Variants in NRXN1 observed in about 807,000 individuals in gnomAD.
NRXN1 encodes neurexin 1.
NRXN1 carries 39 observed loss-of-function variants against 150.9 expected under a neutral mutation model. That is an observed-to-expected ratio of 0.26 (90% confidence interval 0.20 to 0.34). NRXN1 has a LOEUF of 0.34. Ranked by LOEUF, NRXN1 falls within the 10% of genes least tolerant of loss-of-function variation. The pLI, the probability that NRXN1 is intolerant of heterozygous loss-of-function variation, is 1.00. For synonymous variants in NRXN1, 924 were observed against 757.0 expected, an observed-to-expected ratio of 1.22 and a Z score of -3.62; for missense variants, 1,815 against 1,949.9, an observed-to-expected ratio of 0.93 and a Z score of 1.30.
intron 5 of NRXN1, among the ~76,000 whole-genome samples, chr2:50,891,665 A>G (rs1681084689): frequency 6.6e-6 from 1 of 152,072 alleles, no homozygotes; most frequent in African/African-American, 2.4e-5. Context: ...TTTCTTGTTA[A>G]CATATCTTGA....
chr2:49,956,628 T>C (rs1675001416), intron 21 of NRXN1, among the ~76,000 whole-genome samples: 1 of 152,140 alleles, frequency 6.6e-6, no homozygotes, highest in Non-Finnish European at 1.5e-5. Flanking sequence ...CTAACCAACA[T>C]ACCGTAGCAC....
intron 5 of NRXN1, among the ~76,000 whole-genome samples, chr2:50,670,781 T>C (rs1186239574): frequency 6.6e-6 from 1 of 151,938 alleles, no homozygotes; most frequent in East Asian, 1.9e-4. Flanking sequence ...TTTAGGTTTG[T>C]CTGATATTTT....
At chr2:50,802,454 T>C (rs1035074135) in intron 5 of NRXN1, among the ~76,000 whole-genome samples, 3 of 148,072 alleles carry the variant, frequency 2.0e-5, no homozygotes, top group African/African-American at 7.5e-5. Context: ...ATCGCACCAT[T>C]GTACTCCAGC....
At chr2:50,021,485 T>G (rs1687558544) in intron 21 of NRXN1, among the ~76,000 whole-genome samples, 1 of 152,214 alleles carries the variant, frequency 6.6e-6, no homozygotes, top group Admixed American at 6.5e-5. Flanking sequence ...GCATTTCTTT[T>G]GAATATCTCC....
intron 2 of NRXN1, among the ~76,000 whole-genome samples, chr2:51,016,319 C>T (rs1369980815): frequency 6.6e-6 from 1 of 152,098 alleles, no homozygotes; most frequent in Non-Finnish European, 1.5e-5. Flanking sequence ...GAGTGACAGG[C>T]AACCTGCAGA....
chr2:50,832,427 C>T (rs1009903948), intron 5 of NRXN1, among the ~76,000 whole-genome samples: 3 of 151,890 alleles, frequency 2.0e-5, no homozygotes, highest in African/African-American at 2.4e-5. Flanking sequence ...CACGGTGGGC[C>T]GATCACCTGT....
At chr2:50,588,271 A>G (rs1673498172) in intron 8 of NRXN1, among the ~76,000 whole-genome samples, 1 of 152,202 alleles carries the variant, frequency 6.6e-6, no homozygotes, top group Non-Finnish European at 1.5e-5. Flanking sequence ...ATGGCTCCCT[A>G]TGGCAATACT....
intron 21 of NRXN1, among the ~76,000 whole-genome samples, chr2:49,990,275 A>G (rs1681698233): frequency 6.6e-6 from 1 of 152,122 alleles, no homozygotes; most frequent in African/African-American, 2.4e-5. Flanking sequence ...GCCCTAAGAT[A>G]AGAAAGAGTC....
Position 50,339,172 on chromosome 2 carries a change from G to A in NRXN1, c.3365-102202C>T, listed in dbSNP as rs74807345. Among the ~76,000 whole-genome samples the A allele has an allele frequency of 8.0e-3, 1,224 of 152,118 alleles. 36 individuals are homozygous for A. The East Asian group carries it at 0.11, about 13-fold the overall frequency. ...CCAAATAAGTAAATTTCACTGCCTT[G>A]TATTTTACCACATATTAAAAAGCAC... On this transcript the variant is annotated intron_variant, in intron 17 of 22. Transcript: ENST00000401669.
chr2:50,192,205 T>G (rs2061487790), intron 18 of NRXN1, among the ~76,000 whole-genome samples: 1 of 152,186 alleles, frequency 6.6e-6, no homozygotes, highest in African/African-American at 2.4e-5. Context: ...ACAAATGAGA[T>G]GAGGTTAGAT....
At chr2:50,941,724 A>G (rs1048798116) in intron 2 of NRXN1, among the ~76,000 whole-genome samples, 5 of 152,240 alleles carry the variant, frequency 3.3e-5, no homozygotes, top group African/African-American at 4.8e-5. Flanking sequence ...TACGTTCACA[A>G]ACAGATTACC....
chr2:50,405,646 C>T (rs900274047), intron 17 of NRXN1, among the ~76,000 whole-genome samples: 15 of 152,008 alleles, frequency 9.9e-5, no homozygotes, highest in East Asian at 3.9e-4. Context: ...ATGTTTCTGA[C>T]TTTTTCTTCT....
At chr2:50,164,591 G>C (rs1410285126) in intron 18 of NRXN1, among the ~76,000 whole-genome samples, 1 of 152,094 alleles carries the variant, frequency 6.6e-6, no homozygotes, top group African/African-American at 2.4e-5. Context: ...TGCTTTGGCA[G>C]CTTGAACATA....
At chr2:50,180,016 T>C (rs1406199313) in intron 18 of NRXN1, among the ~76,000 whole-genome samples, 3 of 152,112 alleles carry the variant, frequency 2.0e-5, no homozygotes. Context: ...GAATTTTTAA[T>C]TTTAATATTA....
At chr2:50,899,690 C>T (rs1180215272) in intron 5 of NRXN1, among the ~76,000 whole-genome samples, 4 of 152,060 alleles carry the variant, frequency 2.6e-5, no homozygotes, top group Non-Finnish European at 5.9e-5. Context: ...GAAAGACAAG[C>T]AGGGAAATGT....
chr2:49,999,091 A>T (rs747715777), intron 21 of NRXN1, among the ~76,000 whole-genome samples: 1 of 152,158 alleles, frequency 6.6e-6, no homozygotes, highest in African/African-American at 2.4e-5. Flanking sequence ...ATGGGAACTA[A>T]AAATTTGTGT....
intron 8 of NRXN1, among the ~76,000 whole-genome samples, chr2:50,579,038 T>C (rs1671856938): frequency 1.3e-5 from 2 of 152,212 alleles, no homozygotes; most frequent in Non-Finnish European, 1.5e-5. Flanking sequence ...ATTTCCTATT[T>C]TGACATGCTT....
chr2:50,783,698 G>A (rs1323563383), intron 5 of NRXN1, among the ~76,000 whole-genome samples: 1 of 151,976 alleles, frequency 6.6e-6, no homozygotes, highest in Non-Finnish European at 1.5e-5. Flanking sequence ...TAAAACACTT[G>A]GTAATATACA....
intron 17 of NRXN1, among the ~76,000 whole-genome samples, chr2:50,328,692 T>C (rs1365444749): frequency 1.3e-5 from 2 of 152,108 alleles, no homozygotes; most frequent in Non-Finnish European, 2.9e-5. Context: ...GCCGAGATCG[T>C]GTCACTGAAC....
Sources: allele counts gnomAD v4.1 joint callset (sites outside exome capture counted in the v4.1 genomes callset), GRCh38; gene constraint gnomAD v4.1.1; transcripts MANE v1.5; gene names NCBI Gene and HGNC (gene_info 2026-07-23, HGNC 2026-07-21).